COX20: variants seen among roughly 807,000 people sequenced by gnomAD.
COX20 encodes the protein cytochrome c oxidase assembly protein COX20, mitochondrial.
In COX20, 14 loss-of-function variants were observed where a neutral mutation model predicts 14.3. That is an observed-to-expected ratio of 0.98 (90% CI 0.65 to 1.53). The LOEUF (loss-of-function observed/expected upper bound fraction) is 1.53. Among genes scored for constraint, COX20 ranks in the 40% most tolerant of loss-of-function variants. The pLI, the probability that COX20 is intolerant of heterozygous loss-of-function variation, is 0.00. For missense variants in COX20, 149 were observed against 142.1 expected (o/e 1.05, Z -0.25); for synonymous variants, 56 against 51.7 (o/e 1.08, Z -0.36).
intron 1 of COX20, among the ~76,000 whole-genome samples, chr1:244,838,519 G>A (rs1461266002): frequency 1.3e-5 from 2 of 152,160 alleles, no homozygotes; most frequent in Non-Finnish European, 2.9e-5. Flanking sequence ...AAAACCAGGA[G>A]ACGTATTTGA....
chr1:244,835,704 G>T lies in COX20; in HGVS notation c.-11G>T. On this transcript the variant is annotated 5_prime_UTR_variant, in exon 1 of 4. Coordinates refer to ENST00000411948, the MANE Select transcript of COX20 (RefSeq NM_198076.6). ...GCGGTGCAGGGCGGGTGGAGTCGCG[G>T]AGTAGTCCTCATGGCCGCCCCGCCG... 1.6e-6 allele frequency: 2 copies of T among 1,262,734 alleles called. No homozygotes were observed. Among genetic ancestry groups the T allele is most frequent in the Middle Eastern group, 2.9e-4 (1 of 3,416 alleles). The allele number at this position is 1,262,734 out of a possible 1,614,324, so 78.2% of individuals were successfully genotyped here.
At chr1:244,837,561 TACAG>T (rs1474448992) in intron 1 of COX20, among the ~76,000 whole-genome samples, 2 of 152,216 alleles carry the variant, frequency 1.3e-5, no homozygotes, top group Non-Finnish European at 2.9e-5. Context: ...ATTTGGTACA[TACAG>T]GTAAATTCAC....
In COX20 at chr1:244,843,971, A is replaced by AATGAAGTT. The variant is rs1381436237; in HGVS notation, c.*798_*805dup. 1 of 152,216 alleles carries AATGAAGTT rather than the reference A, an allele frequency of 6.6e-6. No homozygotes were observed. Among genetic ancestry groups the AATGAAGTT allele is most frequent in the Non-Finnish European group, 1.5e-5 (1 of 68,042 alleles). The allele number at this position is 152,216 out of a possible 1,614,324, so 9.4% of individuals were successfully genotyped here. Reference sequence around the variant, plus strand: ...GGGAGAAATTATCCCTTTCTAGGAAAATGAAGTTATTTCTGGTTTTAATTC... The same window carrying AATGAAGTT: ...GGGAGAAATTATCCCTTTCTAGGAAAATGAAGTTATGAAGTTATTTCTGGTTTTAATTC... On this transcript the variant is annotated 3_prime_UTR_variant, in exon 4 of 4. Coordinates refer to ENST00000411948, the MANE Select transcript of COX20 (RefSeq NM_198076.6).
At chr1:244,842,347 T>A in intron 3 of COX20, 89 bp downstream of exon 3, 15 of 875,232 alleles carry the variant, frequency 1.7e-5, no homozygotes, top group East Asian at 2.4e-5. Flanking sequence ...CAGTCTCCCA[T>A]TGGGAGATCC....
At chr1:244,842,318 G>T in intron 3 of COX20, 60 bp downstream of exon 3, 1 of 1,166,634 alleles carries the variant, frequency 8.6e-7, no homozygotes, top group Non-Finnish European at 1.3e-6. Flanking sequence ...AATTCAAAAA[G>T]CACATGCTCT....
At position 244,835,689 on chromosome 1, in the gene COX20, G is replaced by A; in HGVS notation, c.-26G>A. The A allele has an allele frequency of 4.8e-6, 6 of 1,250,850 alleles. No homozygotes were observed. Among genetic ancestry groups the A allele is most frequent in the Non-Finnish European group, 6.0e-6 (6 of 996,508 alleles). 77.5% of individuals were successfully genotyped at this position (1,250,850 alleles called of 1,614,324 possible). A position where few individuals can be genotyped will look rare whatever the true frequency, so the allele number is the denominator to read the frequency against. On this transcript the variant is annotated 5_prime_UTR_variant, in exon 1 of 4. Transcript: ENST00000411948. ...GCTTCCGCGACCCCGGCGGTGCAGG[G>A]CGGGTGGAGTCGCGGAGTAGTCCTC...
upstream of COX20, chr1:244,835,599 G>A (rs893541545): frequency 1.3e-6 from 1 of 770,226 alleles, no homozygotes; most frequent in Non-Finnish European, 1.8e-6. Context: ...CGGCGCGTCG[G>A]AACAGGGCGG....
Position 244,835,812 on chromosome 1 carries a change from C to A in COX20, c.42+56C>A, listed in dbSNP as rs1679958252. The A allele has an allele frequency of 2.5e-6, 3 of 1,189,034 alleles. No homozygotes were observed. In the South Asian group the frequency reaches 1.1e-4, roughly 44 times the overall value. The allele number at this position is 1,189,034 out of a possible 1,614,324, so 73.7% of individuals were successfully genotyped here. On this transcript the variant is annotated intron_variant, in intron 1 of 3. Coordinates refer to ENST00000411948, the MANE Select transcript of COX20 (RefSeq NM_198076.6). The stretch of plus-strand genomic sequence containing the variant: ...CGGGTGGGCGGTGGGTAAGGACGTT[C>A]TCCGCGGAGCTCCTAGGCCCGGAGC...
At chr1:244,838,191 ACT>A (rs1368847500) in intron 1 of COX20, among the ~76,000 whole-genome samples, 1 of 152,068 alleles carries the variant, frequency 6.6e-6, no homozygotes, top group East Asian at 1.9e-4. Flanking sequence ...ATCAAGGATG[ACT>A]CTTAGTTTTT....
chr1:244,839,885 T>A (rs1266093692), intron 1 of COX20: 1 of 152,156 alleles, frequency 6.6e-6, no homozygotes, highest in Non-Finnish European at 1.5e-5. Flanking sequence ...ATTATTAGCC[T>A]CTTAAGTCCC....
At chr1:244,842,404 A>G in intron 3 of COX20, 146 bp downstream of exon 3, 1 of 676,804 alleles carries the variant, frequency 1.5e-6, no homozygotes, top group East Asian at 2.6e-5. Flanking sequence ...TTTCATGGAA[A>G]TCTTAAAATG....
At chr1:244,835,873 A>G in intron 1 of COX20, 117 bp downstream of exon 1, 1 of 729,132 alleles carries the variant, frequency 1.4e-6, no homozygotes, top group Non-Finnish European at 1.9e-6. Flanking sequence ...CATGGGCTTG[A>G]AACTATTTTA....
intron 1 of COX20, among the ~76,000 whole-genome samples, chr1:244,837,748 T>C (rs1373990925): frequency 2.0e-5 from 3 of 152,156 alleles, no homozygotes; most frequent in African/African-American, 7.2e-5. Context: ...CATGCAAAGA[T>C]CCAGGAGAAA....
intron 2 of COX20, 51 bp downstream of exon 2, chr1:244,842,109 T>C (rs553099469): frequency 3.4e-5 from 51 of 1,509,650 alleles, no homozygotes; most frequent in Non-Finnish European, 4.6e-5. Flanking sequence ...AGCATTTCTC[T>C]ACATAATGAA....
At chr1:244,837,794 C>T (rs1314111211) in intron 1 of COX20, among the ~76,000 whole-genome samples, 2 of 152,158 alleles carry the variant, frequency 1.3e-5, no homozygotes, top group African/African-American at 4.8e-5. Flanking sequence ...ACCATCTCGG[C>T]TTGTTAGAAT....
chr1:244,836,521 G>C (rs1049034635), intron 1 of COX20: 7 of 1,550,026 alleles, frequency 4.5e-6, no homozygotes, highest in Non-Finnish European at 3.5e-6. Flanking sequence ...ATATTGGAAG[G>C]TAATAAATGA....
rs1182668048 is a variant in COX20 at position 244,842,508 on chromosome 1, C to T, written c.221+250C>T. On this transcript the variant is annotated intron_variant, in intron 3 of 3. Coordinates refer to ENST00000411948, the MANE Select transcript of COX20 (RefSeq NM_198076.6). ...GAAAGCCTCAACCATTTCCCTTACC[C>T]TAATACTTATTTCATCCCTGCTTAT... The T allele has an allele frequency of 1.7e-5, 8 of 465,424 alleles. No homozygotes were observed. The East Asian group carries it at 2.8e-4, about 16-fold the overall frequency. The allele number at this position is 465,424 out of a possible 1,614,324, so 28.8% of individuals were successfully genotyped here. A position where few individuals can be genotyped will look rare whatever the true frequency, so the allele number is the denominator to read the frequency against.
chr1:244,836,428 TG>T, intron 1 of COX20: 1 of 1,490,776 alleles, frequency 6.7e-7, no homozygotes, highest in African/African-American at 1.4e-5. Flanking sequence ...GCGCTCTCCC[TG>T]GAAGGGCTCC....
At chr1:244,835,557 G>C, upstream of COX20, 1 of 456,370 alleles carries the variant, frequency 2.2e-6, no homozygotes, top group East Asian at 3.6e-5. Flanking sequence ...CGGCCACTGC[G>C]GAGCGTTAGG....
Sources: allele counts gnomAD v4.1 joint callset (sites outside exome capture counted in the v4.1 genomes callset), GRCh38; gene constraint gnomAD v4.1.1; transcripts MANE v1.5; gene names NCBI Gene and HGNC (gene_info 2026-07-23, HGNC 2026-07-21).